The following SNED1 variants were observed in gnomAD, a reference collection of about 807,000 sequenced individuals.
SNED1 encodes the protein sushi, nidogen and EGF like domains 1.
Under a neutral mutation model 166.7 loss-of-function variants are expected in SNED1, and 81 were observed. That is an observed-to-expected ratio of 0.49 (90% CI 0.41 to 0.58). The LOEUF is 0.58. SNED1 is among the 20% of genes least tolerant of loss of function. The probability of loss-of-function intolerance (pLI) is 0.00; values close to 1 mark genes in which losing one functional copy is unlikely to be tolerated. For missense variants in SNED1, 1,604 were observed against 2,000.2 expected, an observed-to-expected ratio of 0.80 and a Z score of 3.78; for synonymous variants, 762 against 822.0, an observed-to-expected ratio of 0.93 and a Z score of 1.25.
chr2:241,009,112 G>T (rs1181405055), intron 1 of SNED1, among the ~76,000 whole-genome samples: 1 of 152,214 alleles, frequency 6.6e-6, no homozygotes, highest in Non-Finnish European at 1.5e-5. Context: ...TATGTGGGGA[G>T]TGGGGGACAG....
At chr2:241,004,912 G>A (rs1166083177) in intron 1 of SNED1, among the ~76,000 whole-genome samples, 3 of 151,890 alleles carry the variant, frequency 2.0e-5, no homozygotes, top group African/African-American at 7.3e-5. Flanking sequence ...TAGTAGAGAC[G>A]GGGTTTCACC....
intron 29 of SNED1, among the ~76,000 whole-genome samples, chr2:241,083,778 TATTTAACATAGA>T: frequency 6.6e-6 from 1 of 152,204 alleles, no homozygotes; most frequent in South Asian, 2.1e-4. Flanking sequence ...GACTTTCTAG[TATTTAACATAGA>T]GGTGGGTCTT....
At chr2:241,021,943 TC>T (rs1361589290) in intron 1 of SNED1, among the ~76,000 whole-genome samples, 1 of 146,040 alleles carries the variant, frequency 6.8e-6, no homozygotes, top group Non-Finnish European at 1.5e-5. Context: ...TCTACTTTTT[TC>T]ATTACAGCCA....
At position 241,069,903 on chromosome 2, in the gene SNED1, G is replaced by A; in HGVS notation, c.3308-17G>A. Reference sequence around the variant, plus strand: ...TGTGGGCACCCCCTCACCTCTCCCTGCTCCTGCCTCATCCAGGGCCCCTGC... The same window carrying A: ...TGTGGGCACCCCCTCACCTCTCCCTACTCCTGCCTCATCCAGGGCCCCTGC... On this transcript the variant is annotated splice_polypyrimidine_tract_variant and intron_variant, in intron 23 of 31. Transcript: ENST00000310397. This position sits in a 1 kb window ranked among gnomAD's most constrained non-coding sequence, Gnocchi z 4.9. 1 of 1,609,106 alleles carries A rather than the reference G, an allele frequency of 6.2e-7. No homozygotes were observed. The highest frequency in any genetic ancestry group is 1.1e-5 in the South Asian group (1 of 90,770).
chr2:241,075,532 C>T lies in SNED1; in HGVS notation c.3916+2168C>T, dbSNP rs1005886875. On this transcript the variant is annotated intron_variant, in intron 27 of 31. Transcript: ENST00000310397. The surrounding 1 kb of genome is among the most constrained non-coding windows in gnomAD (Gnocchi z 4.8). The stretch of plus-strand genomic sequence containing the variant: ...TGCTTCTGTGAAATGCCTGATCACG[C>T]CTTTTGACTTTATGTTGGGTTATTT... 1.3e-5 allele frequency: 2 copies of T among 152,170 alleles called. No individual in the cohort carries two copies. The highest frequency in any genetic ancestry group is 2.9e-5 in the Non-Finnish European group (2 of 68,030). The allele number at this position is 152,170 out of a possible 1,614,324, so 9.4% of individuals were successfully genotyped here.
chr2:241,030,365 T>C lies in SNED1; in HGVS notation c.295T>C (p.Cys99Arg), dbSNP rs749776013. The C allele has an allele frequency of 6.2e-7, 1 of 1,611,780 alleles. No individual in the cohort carries two copies. The highest frequency in any genetic ancestry group is 1.3e-5 in the African/African-American group (1 of 75,020). The stretch of plus-strand genomic sequence containing the variant: ...GGCCTTCCCCATTGCCAAGGACCGC[T>C]GCGTGGTGGCAGCCTTCTGGGCAGA... ...PVAFPIAKDR[C>R]VVAAFWADVD... The change falls in exon 2 of 32, where the codon TGC becomes CGC. Residue 99 changes from cysteine (C) to arginine (R), a missense_variant. Coordinates refer to ENST00000310397, the MANE Select transcript of SNED1 (RefSeq NM_001080437.3).
At position 241,036,415 on chromosome 2, in the gene SNED1, C is replaced by T. The variant is rs75914177; in HGVS notation, c.806-375C>T. Reference sequence around the variant, plus strand: ...CCTTGTCCCAGAAACGCTGACATGACGGCTGAGTGCCAGCCTCGGGTTTTC... The same window carrying T: ...CCTTGTCCCAGAAACGCTGACATGATGGCTGAGTGCCAGCCTCGGGTTTTC... On this transcript the variant is annotated intron_variant, in intron 4 of 31. Transcript: ENST00000310397. Among the ~76,000 whole-genome samples the T allele has an allele frequency of 5.9e-5, 9 of 152,228 alleles. No individual in the cohort carries two copies. In the South Asian group the frequency reaches 1.7e-3, roughly 28 times the overall value.
chr2:241,049,090 G>A lies in SNED1; in HGVS notation c.1573G>A (p.Gly525Arg). Residue 525 changes from glycine to arginine, a missense_variant, in exon 11 of 32, where the codon GGG (glycine) becomes AGG (arginine). Physicochemically the swap from Gly to Arg is moderately radical, Grantham distance 125. Transcript: ENST00000310397. ...TGGGGGCTACTGCATGGAGCACGGC[G>A]GGAGCTACCTCTGCGTCTGCCACAC... is the stretch of plus-strand genomic sequence containing the variant. ...PDGGYCMEHG[G>R]SYLCVCHTDH... The A allele has an allele frequency of 2.5e-6, 4 of 1,613,042 alleles. No homozygotes were observed. The highest frequency in any genetic ancestry group is 2.5e-6 in the Non-Finnish European group (3 of 1,179,610).
At chr2:241,029,306 G>T (rs1193781558) in intron 1 of SNED1, among the ~76,000 whole-genome samples, 2 of 152,234 alleles carry the variant, frequency 1.3e-5, no homozygotes, top group African/African-American at 4.8e-5. Context: ...AGGCTGGGAA[G>T]TCCAAGATCA....
intron 8 of SNED1, among the ~76,000 whole-genome samples, chr2:241,045,728 T>A (rs368589899): frequency 0.013 from 1,862 of 138,740 alleles, 29 homozygotes; most frequent in African/African-American, 0.047. Context: ...AAAAAAAAAA[T>A]TTATGACCTG....
At position 241,094,008 on chromosome 2, in the gene SNED1, C is replaced by A. The variant is rs2125369694; in HGVS notation, c.*2372C>A. 1 of 254,000 alleles carries A rather than the reference C, an allele frequency of 3.9e-6. No homozygotes were observed. The highest frequency in any genetic ancestry group is 7.9e-6 in the Non-Finnish European group (1 of 127,012). The allele number at this position is 254,000 out of a possible 1,614,324, so 15.7% of individuals were successfully genotyped here. A position where few individuals can be genotyped will look rare whatever the true frequency, so the allele number is the denominator to read the frequency against. On this transcript the variant is annotated 3_prime_UTR_variant, in exon 32 of 32. Transcript: ENST00000310397. This position sits in a 1 kb window ranked among gnomAD's most constrained non-coding sequence, Gnocchi z 4.3. ...TGCAGACTGAGGATTCTACTTAGTC[C>A]TCCGACTGGGTACAACAACAGCCTA...
rs1209598121 is a variant in SNED1 at position 240,999,863 on chromosome 2, C to T, written c.213+813C>T. Among the ~76,000 whole-genome samples the T allele has an allele frequency of 1.3e-5, 2 of 152,142 alleles. No homozygotes were observed. Among genetic ancestry groups the T allele is most frequent in the African/African-American group, 4.8e-5 (2 of 41,420 alleles). ...CTCGCCCTGAGTAGGCCACGGTGCA[C>T]TGGTACCTGGTGGTTCCCTGAAACA... On this transcript the variant is annotated intron_variant, in intron 1 of 31. Coordinates refer to ENST00000310397, the MANE Select transcript of SNED1 (RefSeq NM_001080437.3). The surrounding 1 kb of genome is among the most constrained non-coding windows in gnomAD (Gnocchi z 5.8).
chr2:241,048,624 G>T (rs990883255), intron 9 of SNED1, 38 bp from the exon 10 acceptor site: 3 of 1,558,208 alleles, frequency 1.9e-6, no homozygotes, highest in Admixed American at 1.9e-5. Context: ...ATCTTTCTGC[G>T]CCCCCACATG....
intron 1 of SNED1, among the ~76,000 whole-genome samples, chr2:241,030,039 G>A (rs1279683298): frequency 6.6e-6 from 1 of 152,252 alleles, no homozygotes; most frequent in Non-Finnish European, 1.5e-5. Context: ...CACTCCACAG[G>A]GCATCGGGTA....
chr2:241,063,321 C>T (rs1415188730), intron 17 of SNED1: 17 of 530,382 alleles, frequency 3.2e-5, no homozygotes, highest in Non-Finnish European at 4.5e-5. Flanking sequence ...CGTGCCCAGT[C>T]GTGGCCCTGG....
At position 241,064,259 on chromosome 2, in the gene SNED1, TG is replaced by T. The variant is rs1352436282; in HGVS notation, c.2599+136del. ...GCTCCCCGCCCTCTGCCCGCCGCCT[TG>T]GAAGTCCCCTTCTCAGGCCAGTGGC... On this transcript the variant is annotated intron_variant, in intron 19 of 31. Transcript: ENST00000310397. The surrounding 1 kb of genome is among the most constrained non-coding windows in gnomAD (Gnocchi z 7.0). 1.6e-6 allele frequency: 1 copy of T among 632,368 alleles called. No homozygotes were observed. Among genetic ancestry groups the T allele is most frequent in the Non-Finnish European group, 2.7e-6 (1 of 376,710 alleles). 39.2% of individuals were successfully genotyped at this position (632,368 alleles called of 1,614,324 possible). A position where few individuals can be genotyped will look rare whatever the true frequency, so the allele number is the denominator to read the frequency against.
At position 241,034,585 on chromosome 2, in the gene SNED1, C is replaced by T. The variant is rs6736167; in HGVS notation, c.660C>T (p.Gly220=). 32 of 1,603,762 alleles carry T rather than the reference C, an allele frequency of 2.0e-5. No individual in the cohort carries two copies. Among genetic ancestry groups the T allele is most frequent in the South Asian group, 1.0e-4 (9 of 90,166 alleles). The change falls in exon 4 of 32, where the codon GGC becomes GGT. Residue 220 remains glycine, a synonymous_variant. Transcript: ENST00000310397. The stretch of plus-strand genomic sequence containing the variant: ...ACCCCCAGGCTGGCTTCAACGCAGG[C>T]GATGGGCAGCGTTACTTCAGTATCC... ...GIAAQAGFNA[G]DGQRYFSIPG...
intron 21 of SNED1, among the ~76,000 whole-genome samples, chr2:241,066,998 C>T (rs1403828858): frequency 6.6e-6 from 1 of 152,206 alleles, no homozygotes; most frequent in Non-Finnish European, 1.5e-5. Context: ...GAGCAGGTGT[C>T]AGCAGGAGCT....
rs1335149339 is a variant in SNED1 at position 241,065,502 on chromosome 2, G to A, written c.2917G>A (p.Gly973Ser). The A allele has an allele frequency of 8.1e-6, 13 of 1,612,856 alleles. No individual in the cohort carries two copies. Among genetic ancestry groups the A allele is most frequent in the Non-Finnish European group, 1.0e-5 (12 of 1,179,856 alleles). Residue 973 changes from glycine to serine, a missense_variant, in exon 21 of 32, where the codon GGC (glycine) becomes AGC (serine). Gly to Ser is a moderately conservative substitution (Grantham distance 56). Around this residue, in one of 2 missense-constraint regions of SNED1, gnomAD observed 1,237 missense variants for 1,620.8 expected, o/e 0.76. Transcript: ENST00000310397. ...SSHQLQALAA[G>S]RAYNISVFSV... is the part of the protein sequence containing the mutation. ...GCACCAGCTCCAGGCCCTGGCGGCC[G>A]GCAGGGCCTACAACATCTCCGTCTT...
Sources: gnomAD v4.1 joint callset for allele counts (sites outside exome capture counted in the v4.1 genomes callset) on GRCh38, gnomAD v4.1.1 for gene constraint, gnomAD v4.1.1 regional missense constraint, Gnocchi (gnomAD v3.1) non-coding constraint, MANE v1.5 for transcripts, NCBI Gene and HGNC (gene_info 2026-07-23, HGNC 2026-07-21) for gene names.